CDH2: variants seen among roughly 807,000 people sequenced by gnomAD.
CDH2 encodes cadherin 2.
CDH2 carries 17 observed loss-of-function variants against 92.0 expected under a neutral mutation model. That is an observed-to-expected ratio of 0.18 (90% CI 0.13 to 0.28). CDH2 has a LOEUF of 0.28. Ranked by LOEUF, CDH2 falls within the 10% of genes least tolerant of loss-of-function variation. The pLI, the probability that CDH2 is intolerant of heterozygous loss-of-function variation, is 1.00. For synonymous variants in CDH2, 419 were observed against 415.9 expected, an observed-to-expected ratio of 1.01 and a Z score of -0.09; for missense variants, 862 against 1,133.1, an observed-to-expected ratio of 0.76 and a Z score of 3.44.
At chr18:28,140,899 TA>T (rs1452076948) in intron 2 of CDH2, among the ~76,000 whole-genome samples, 1 of 149,408 alleles carries the variant, frequency 6.7e-6, no homozygotes, top group Non-Finnish European at 1.5e-5. Context: ...AAACAAGATA[TA>T]TATATATATA....
At chr18:28,007,229 C>T (rs969120189) in intron 5 of CDH2, among the ~76,000 whole-genome samples, 2 of 147,634 alleles carry the variant, frequency 1.4e-5, no homozygotes, top group Admixed American at 1.4e-4. Context: ...CTCCCCAGCC[C>T]AGTTCTCAGT....
At chr18:28,046,372 TA>T (rs1448064234) in intron 2 of CDH2, among the ~76,000 whole-genome samples, 12 of 152,154 alleles carry the variant, frequency 7.9e-5, no homozygotes, top group African/African-American at 2.9e-4. Context: ...ACAAGCTCAT[TA>T]AAACAGAGAA....
chr18:28,118,477 T>C (rs1244522916), intron 2 of CDH2, among the ~76,000 whole-genome samples: 1 of 152,078 alleles, frequency 6.6e-6, no homozygotes, highest in Non-Finnish European at 1.5e-5. Context: ...ACAGTTCTCA[T>C]TAAAAAGAAT....
intron 2 of CDH2, among the ~76,000 whole-genome samples, chr18:28,122,157 C>T (rs144655250): frequency 6.6e-6 from 1 of 152,110 alleles, no homozygotes; most frequent in Non-Finnish European, 1.5e-5. Context: ...CAATTGGCTT[C>T]ATCTAATTTA....
chr18:28,011,527 G>GGT, intron 4 of CDH2, among the ~76,000 whole-genome samples: 1 of 152,122 alleles, frequency 6.6e-6, no homozygotes, highest in African/African-American at 2.4e-5. Flanking sequence ...GAAGTTTAGG[G>GGT]GTGTGTGTGT....
intron 1 of CDH2, among the ~76,000 whole-genome samples, chr18:28,176,420 G>T (rs374624235): frequency 6.6e-6 from 1 of 152,204 alleles, no homozygotes; most frequent in African/African-American, 2.4e-5. Flanking sequence ...GGCAACTCCA[G>T]ACTGGGATAA....
intron 10 of CDH2, among the ~76,000 whole-genome samples, chr18:27,989,288 A>C (rs2143965836): frequency 6.6e-6 from 1 of 152,284 alleles, no homozygotes; most frequent in Non-Finnish European, 1.5e-5. Flanking sequence ...AGTGGGGATT[A>C]ACTTTTAAAG....
intron 1 of CDH2, among the ~76,000 whole-genome samples, chr18:28,149,642 T>C (rs1458316511): frequency 2.6e-5 from 4 of 152,126 alleles, no homozygotes; most frequent in East Asian, 1.9e-4. Context: ...CACATACTTA[T>C]GTAAGAAGAA....
chr18:28,116,180 G>A (rs1401776937), intron 2 of CDH2, among the ~76,000 whole-genome samples: 2 of 152,102 alleles, frequency 1.3e-5, no homozygotes, highest in Non-Finnish European at 2.9e-5. Context: ...CAGTGCTGAG[G>A]TTGAAAAACC....
downstream of CDH2, among the ~76,000 whole-genome samples, chr18:27,946,702 A>C (rs17467858): frequency 1.3e-5 from 2 of 152,052 alleles, no homozygotes; most frequent in African/African-American, 4.8e-5. Flanking sequence ...TTGAAAAAAC[A>C]AAGTATAAGA....
intron 6 of CDH2, among the ~76,000 whole-genome samples, chr18:27,934,411 G>A (rs1411218947): frequency 1.3e-5 from 2 of 152,154 alleles, no homozygotes; most frequent in Non-Finnish European, 2.9e-5. Context: ...GCAAGGAATA[G>A]ATTTCTTTCT....
At chr18:27,947,819 TAA>T (rs1374448892), downstream of CDH2, among the ~76,000 whole-genome samples, 2 of 151,814 alleles carry the variant, frequency 1.3e-5, no homozygotes, top group Non-Finnish European at 2.9e-5. Flanking sequence ...ATATGTGATA[TAA>T]GTGTATGTGA....
At chr18:28,073,393 C>A (rs2014657921) in intron 2 of CDH2, among the ~76,000 whole-genome samples, 1 of 152,138 alleles carries the variant, frequency 6.6e-6, no homozygotes, top group South Asian at 2.1e-4. Context: ...TTTAAAAAAT[C>A]AATATAAAGA....
intron 2 of CDH2, among the ~76,000 whole-genome samples, chr18:28,073,840 C>A (rs1407726376): frequency 6.6e-6 from 1 of 152,140 alleles, no homozygotes; most frequent in African/African-American, 2.4e-5. Flanking sequence ...GGTCCACTAG[C>A]CTTATCTGCA....
chr18:28,140,224 G>A (rs184967758), intron 2 of CDH2, among the ~76,000 whole-genome samples: 7 of 151,986 alleles, frequency 4.6e-5, no homozygotes, highest in Admixed American at 4.6e-4. Flanking sequence ...AAATATAGGG[G>A]TAAATCTTCA....
intron 2 of CDH2, among the ~76,000 whole-genome samples, chr18:28,053,786 G>A (rs566380060): frequency 1.3e-5 from 2 of 151,898 alleles, no homozygotes; most frequent in Non-Finnish European, 2.9e-5. Context: ...TAAGACTATT[G>A]GTGCCCAGTG....
intron 14 of CDH2, among the ~76,000 whole-genome samples, chr18:27,968,537 C>A (rs1284165307): frequency 6.6e-6 from 1 of 152,070 alleles, no homozygotes; most frequent in Non-Finnish European, 1.5e-5. Context: ...GTTGTTTAGG[C>A]AGGAAGGAAT....
chr18:28,006,717 C>CA lies in CDH2; in HGVS notation c.703-725dup, dbSNP rs35592550. Among the ~76,000 whole-genome samples the CA allele has an allele frequency of 7.7e-3, 594 of 77,294 alleles. 6 individuals are homozygous for CA. The highest frequency in any genetic ancestry group is 0.012 in the South Asian group (29 of 2,488). 50.7% of individuals were successfully genotyped at this position (77,294 alleles called of 152,430 possible). On this transcript the variant is annotated intron_variant, in intron 5 of 15. Transcript: ENST00000269141. ...TGGGTGACAGAGTGGGACTCTGTCT[C>CA]AAAAAAAAAAAAAAAAAAAAGAAGT...
At chr18:27,970,555 G>A (rs1484819682) in intron 14 of CDH2, among the ~76,000 whole-genome samples, 1 of 152,148 alleles carries the variant, frequency 6.6e-6, no homozygotes, top group African/African-American at 2.4e-5. Flanking sequence ...ATACTGCAAA[G>A]GGAGCCAAGT....
Sources: gnomAD v4.1 joint callset for allele counts (sites outside exome capture counted in the v4.1 genomes callset) on GRCh38, gnomAD v4.1.1 for gene constraint, MANE v1.5 for transcripts, NCBI Gene and HGNC (gene_info 2026-07-23, HGNC 2026-07-21) for gene names.